PTBP3: variants seen among roughly 807,000 people sequenced by gnomAD.
PTBP3 encodes polypyrimidine tract-binding protein 3.
A neutral mutation model predicts 58.7 loss-of-function variants in PTBP3; 20 were observed. The ratio of observed to expected loss-of-function variants is 0.34; its 90% CI spans 0.24 to 0.50. The LOEUF (loss-of-function observed/expected upper bound fraction) is 0.50. PTBP3 is among the 20% of genes least tolerant of loss of function. The pLI is 0.98. For missense variants in PTBP3, 509 were observed against 637.2 expected (o/e 0.80, Z 2.17); for synonymous variants, 185 against 219.8 (o/e 0.84, Z 1.40).
the PTBP3 span, among the ~76,000 whole-genome samples, chr9:112,353,844 G>C: frequency 6.6e-6 from 1 of 151,968 alleles, no homozygotes; most frequent in African/African-American, 2.4e-5. Context: ...TGTAATCCCA[G>C]CTAATCGGAA....
At chr9:112,340,063 C>T in the PTBP3 span, among the ~76,000 whole-genome samples, 1 of 152,144 alleles carries the variant, frequency 6.6e-6, no homozygotes, top group Non-Finnish European at 1.5e-5. Flanking sequence ...CTTCCAGGCT[C>T]AGGTGATCCT....
chr9:112,232,454 C>A (rs1289827343), intron 8 of PTBP3, among the ~76,000 whole-genome samples: 1 of 152,150 alleles, frequency 6.6e-6, no homozygotes, highest in Non-Finnish European at 1.5e-5. Flanking sequence ...GCTCTATTAT[C>A]CACACAGTAC....
chr9:112,355,352 G>C, the PTBP3 span, among the ~76,000 whole-genome samples: 8 of 152,352 alleles, frequency 5.3e-5, no homozygotes, highest in Non-Finnish European at 1.0e-4. Context: ...CAAGGCCTTT[G>C]CGATGGTTTA....
At chr9:112,303,381 CTGTA>C (rs1202231146) in intron 1 of PTBP3, among the ~76,000 whole-genome samples, 5 of 152,146 alleles carry the variant, frequency 3.3e-5, no homozygotes, top group East Asian at 3.8e-4. Flanking sequence ...TATATTCTTC[CTGTA>C]TGTATAATTA....
At chr9:112,353,819 G>A in the PTBP3 span, among the ~76,000 whole-genome samples, 4 of 151,936 alleles carry the variant, frequency 2.6e-5, no homozygotes, top group Non-Finnish European at 5.9e-5. Flanking sequence ...TTAGCCAGGC[G>A]TGGTGGCTGG....
At chr9:112,265,532 CA>C (rs1836766519) in intron 4 of PTBP3, among the ~76,000 whole-genome samples, 1 of 151,868 alleles carries the variant, frequency 6.6e-6, no homozygotes, top group Non-Finnish European at 1.5e-5. Flanking sequence ...CAAAAACAAA[CA>C]AAAAACAACA....
the PTBP3 span, among the ~76,000 whole-genome samples, chr9:112,372,229 A>G: frequency 6.6e-6 from 1 of 152,044 alleles, no homozygotes; most frequent in African/African-American, 2.4e-5. Flanking sequence ...GGCACATGTC[A>G]CCATGTCCAG....
chr9:112,368,510 T>C, the PTBP3 span, among the ~76,000 whole-genome samples: 5 of 124,558 alleles, frequency 4.0e-5, no homozygotes, highest in Non-Finnish European at 8.3e-5. Context: ...TGAAAGGAAT[T>C]CTTTATCAAA....
chr9:112,354,855 T>C, the PTBP3 span, among the ~76,000 whole-genome samples: 2 of 152,148 alleles, frequency 1.3e-5, no homozygotes, highest in African/African-American at 2.4e-5. Context: ...TTCTGCAAAA[T>C]AAAATGCTAT....
the PTBP3 span, among the ~76,000 whole-genome samples, chr9:112,342,606 C>T: frequency 2.0e-5 from 3 of 152,112 alleles, no homozygotes; most frequent in African/African-American, 7.2e-5. Context: ...ATCTCAGCTA[C>T]TCAGGAGGCA....
intron 8 of PTBP3, among the ~76,000 whole-genome samples, chr9:112,232,926 T>TA (rs1835300457): frequency 6.6e-6 from 1 of 152,138 alleles, no homozygotes. Flanking sequence ...CTGTCTAAGG[T>TA]AAAACCTCTA....
chr9:112,223,259 T>C lies in PTBP3; in HGVS notation c.*592A>G, dbSNP rs1237311152. ...AGTGTCTTACAGTGAAAAAAAGAAA[T>C]CATTCAAAGAAAACATGCAGGTTTA... On this transcript the variant is annotated 3_prime_UTR_variant, in exon 14 of 14. Transcript: ENST00000374257. The C allele has an allele frequency of 1.1e-6, 1 of 942,058 alleles. No individual in the cohort carries two copies. Among genetic ancestry groups the C allele is most frequent in the African/African-American group, 1.8e-5 (1 of 56,218 alleles). 58.4% of individuals were successfully genotyped at this position (942,058 alleles called of 1,614,324 possible). A position where few individuals can be genotyped will look rare whatever the true frequency, so the allele number is the denominator to read the frequency against.
intron 7 of PTBP3, chr9:112,242,821 A>T (rs2132034634): frequency 6.6e-6 from 1 of 152,386 alleles, no homozygotes; most frequent in Admixed American, 6.5e-5. Flanking sequence ...GAATAGCTGG[A>T]ACTACAGGTC....
intron 12 of PTBP3, among the ~76,000 whole-genome samples, chr9:112,226,233 G>C (rs1030282322): frequency 2.0e-5 from 3 of 151,246 alleles, no homozygotes; most frequent in Non-Finnish European, 4.4e-5. Flanking sequence ...GCTGGTATGA[G>C]GTTTGATCCA....
intron 2 of PTBP3, among the ~76,000 whole-genome samples, chr9:112,291,051 A>AC (rs1277976977): frequency 2.6e-5 from 4 of 151,918 alleles, no homozygotes; most frequent in African/African-American, 9.7e-5. Context: ...GTGAAACCCC[A>AC]CTTCTACTAA....
rs530645118 is a variant in PTBP3, at chr9:112,311,788, C to T, written c.-51-13872G>A. 7.9e-5 allele frequency among the ~76,000 whole-genome samples: 12 copies of T among 152,122 alleles called. No homozygotes were observed. The South Asian group carries it at 1.7e-3, about 21-fold the overall frequency. ...GCTAAACCCTGTCTCTGAAAAAAAA[C>T]GGTTTTTTAATTAGCCGGGTGTGGT... is the stretch of plus-strand genomic sequence containing the variant. On this transcript the variant is annotated intron_variant, in intron 1 of 13. Coordinates refer to ENST00000374257, the MANE Select transcript of PTBP3 (RefSeq NM_001163788.4).
Position 112,234,953 on chromosome 9 carries a change from A to T in PTBP3, c.803-56T>A, listed in dbSNP as rs1270031215. On this transcript the variant is annotated intron_variant, in intron 7 of 13. Transcript: ENST00000374257. Reference sequence around the variant, plus strand: ...ACTACCTTCTATAAATATCGTTATCAAAGCAATATAAAATGGCTCTATGAA... The same window carrying T: ...ACTACCTTCTATAAATATCGTTATCTAAGCAATATAAAATGGCTCTATGAA... The T allele has an allele frequency of 6.3e-6, 9 of 1,434,358 alleles. No individual in the cohort carries two copies. The African/African-American group carries it at 1.1e-4, about 18-fold the overall frequency. The allele number at this position is 1,434,358 out of a possible 1,614,324, so 88.9% of individuals were successfully genotyped here.
chr9:112,278,743 A>C (rs1827731275), intron 2 of PTBP3, among the ~76,000 whole-genome samples: 1 of 152,224 alleles, frequency 6.6e-6, no homozygotes. Flanking sequence ...TCCTGTTCTG[A>C]GCAAGTTATT....
At chr9:112,335,700 ATCACT>A (rs1830572468), upstream of PTBP3, among the ~76,000 whole-genome samples, 1 of 141,286 alleles carries the variant, frequency 7.1e-6, no homozygotes, top group Non-Finnish European at 1.5e-5. Context: ...AGGCGGGCAG[ATCACT>A]TAAGGTCAGG....
Sources: allele counts gnomAD v4.1 joint callset (sites outside exome capture counted in the v4.1 genomes callset), GRCh38; gene constraint gnomAD v4.1.1; transcripts MANE v1.5; gene names NCBI Gene and HGNC (gene_info 2026-07-23, HGNC 2026-07-21).